ARSG: variants seen among roughly 807,000 people sequenced by gnomAD.
ARSG encodes arylsulfatase G.
Under a neutral mutation model 50.5 loss-of-function variants are expected in ARSG, and 37 were observed. That is an observed-to-expected ratio of 0.73 (90% CI 0.56 to 0.96). The LOEUF (loss-of-function observed/expected upper bound fraction) is 0.96. Ranked by LOEUF, ARSG falls within the 50% of genes least tolerant of loss-of-function variation. The probability of loss-of-function intolerance (pLI) is 0.00; values close to 1 mark genes in which losing one functional copy is unlikely to be tolerated. For missense variants in ARSG, 629 were observed against 675.3 expected (o/e 0.93, Z 0.76); for synonymous variants, 225 against 254.6 (o/e 0.88, Z 1.11).
chr17:68,270,319 G>A (rs1436786545), intron 1 of ARSG, among the ~76,000 whole-genome samples: 2 of 152,098 alleles, frequency 1.3e-5, no homozygotes, highest in Non-Finnish European at 2.9e-5. Context: ...ACTTTGGGAG[G>A]CCAAGGCAGG....
In ARSG at chr17:68,395,158, G is replaced by A. The variant is rs764722003; in HGVS notation, c.1177G>A (p.Glu393Lys). 6 of 1,614,004 alleles carry A rather than the reference G, an allele frequency of 3.7e-6. No homozygotes were observed. Among genetic ancestry groups the A allele is most frequent in the African/African-American group, 2.7e-5 (2 of 74,932 alleles). The stretch of plus-strand genomic sequence containing the variant: ...GCGCTTTGATGGTGTGGACGTCTCC[G>A]AGGTGCTCTTTGGCCGGTCACAGCC... ...GRRFDGVDVS[E>K]VLFGRSQPGH... The change falls in exon 10 of 12, where the codon GAG (glutamate) becomes AAG (lysine). Residue 393 changes from glutamate (E) to lysine (K), a missense_variant. Transcript: ENST00000621439.
At chr17:68,265,921 T>G (rs2075150904) in intron 1 of ARSG, among the ~76,000 whole-genome samples, 1 of 152,154 alleles carries the variant, frequency 6.6e-6, no homozygotes, top group South Asian at 2.1e-4. Context: ...AATGGCAGAG[T>G]TGACTAGACA....
chr17:68,300,548 T>A (rs1199114789), intron 1 of ARSG, among the ~76,000 whole-genome samples: 1 of 152,164 alleles, frequency 6.6e-6, no homozygotes, highest in Non-Finnish European at 1.5e-5. Flanking sequence ...TCTTCTCAAG[T>A]GGAGGATAGA....
intron 2 of ARSG, among the ~76,000 whole-genome samples, chr17:68,342,836 C>T (rs1055139186): frequency 3.9e-5 from 6 of 152,286 alleles, no homozygotes; most frequent in South Asian, 2.1e-4. Flanking sequence ...GTTTACAGTG[C>T]GATATGAGAG....
chr17:68,426,242 T>TGGGGGGGG (rs754701731), downstream of ARSG: 160 of 682,698 alleles, frequency 2.3e-4, 31 homozygotes, highest in Admixed American at 7.5e-4. Flanking sequence ...ACCTGGCGGG[T>TGGGGGGGG]GGGGAGCGGG....
At chr17:68,387,836 T>C (rs1315483603) in intron 9 of ARSG, among the ~76,000 whole-genome samples, 2 of 152,074 alleles carry the variant, frequency 1.3e-5, no homozygotes, top group Non-Finnish European at 2.9e-5. Flanking sequence ...ATTATGAGCA[T>C]CAGAGAGTGG....
At chr17:68,380,179 TTTCCTTCC>T (rs886514747) in intron 8 of ARSG, among the ~76,000 whole-genome samples, 3 of 151,998 alleles carry the variant, frequency 2.0e-5, no homozygotes, top group Admixed American at 2.0e-4. Context: ...CAATTTTCTT[TTTCCTTCC>T]TTCCTTCCTT....
At chr17:68,310,290 C>T (rs1298658765) in intron 2 of ARSG, among the ~76,000 whole-genome samples, 1 of 152,096 alleles carries the variant, frequency 6.6e-6, no homozygotes, top group Non-Finnish European at 1.5e-5. Context: ...AGAACAGAAG[C>T]GAGGGTGTGG....
At chr17:68,348,192 T>G (rs1191641428) in intron 4 of ARSG, among the ~76,000 whole-genome samples, 1 of 152,108 alleles carries the variant, frequency 6.6e-6, no homozygotes, top group Non-Finnish European at 1.5e-5. Context: ...TTAAAAAAAA[T>G]GACAGATGGG....
Position 68,409,841 on chromosome 17 carries a change from C to T in ARSG, c.1303+8391C>T, listed in dbSNP as rs2081922035. Among the ~76,000 whole-genome samples the T allele has an allele frequency of 2.0e-5, 3 of 151,242 alleles. No individual in the cohort carries two copies. In the South Asian group the frequency reaches 6.3e-4, roughly 32 times the overall value. Reference sequence around the variant, plus strand: ...TCTCCTTGAAGAGGTCCTTCACATCCCTTGTAAGTTGGATTCCTAGGTATT... The same window carrying T: ...TCTCCTTGAAGAGGTCCTTCACATCTCTTGTAAGTTGGATTCCTAGGTATT... On this transcript the variant is annotated intron_variant, in intron 11 of 11. Transcript: ENST00000621439.
chr17:68,388,378 A>AC (rs1320817796), intron 9 of ARSG, among the ~76,000 whole-genome samples: 2 of 151,514 alleles, frequency 1.3e-5, no homozygotes, highest in Admixed American at 1.3e-4. Context: ...TCCCCACCCC[A>AC]CCCCCTAAGT....
At chr17:68,343,023 A>C (rs1448591028) in intron 2 of ARSG, among the ~76,000 whole-genome samples, 1 of 152,270 alleles carries the variant, frequency 6.6e-6, no homozygotes, top group African/African-American at 2.4e-5. Context: ...GAAATGTGGA[A>C]TCTTCGAATA....
At chr17:68,263,748 C>A (rs1298112714) in intron 1 of ARSG, among the ~76,000 whole-genome samples, 1 of 152,186 alleles carries the variant, frequency 6.6e-6, no homozygotes, top group Admixed American at 6.5e-5. Flanking sequence ...CAACACCTGG[C>A]CACGGTTTAA....
chr17:68,430,088 A>G, the ARSG span: 1 of 1,614,162 alleles, frequency 6.2e-7, no homozygotes, highest in Non-Finnish European at 8.5e-7. Flanking sequence ...ACACCTGGGT[A>G]GGGAGGTAGT....
the ARSG span, among the ~76,000 whole-genome samples, chr17:68,438,703 C>G: frequency 6.6e-6 from 1 of 152,202 alleles, no homozygotes; most frequent in East Asian, 1.9e-4. Flanking sequence ...TTGGTTCAAG[C>G]GATTCTCCTG....
At chr17:68,320,114 C>T (rs897210831) in intron 2 of ARSG, among the ~76,000 whole-genome samples, 7 of 152,054 alleles carry the variant, frequency 4.6e-5, no homozygotes, top group African/African-American at 1.4e-4. Context: ...CGGTGAAATC[C>T]CATCTCTACT....
At chr17:68,346,658 T>C in intron 3 of ARSG, 2 of 1,139,988 alleles carry the variant, frequency 1.8e-6, no homozygotes, top group South Asian at 1.6e-5. Context: ...GTGCTTGAAC[T>C]GCGGGCTGCT....
chr17:68,287,953 TTCTCTCTCTCTCTC>T (rs150311794), upstream of ARSG, among the ~76,000 whole-genome samples: 1 of 146,150 alleles, frequency 6.8e-6, no homozygotes, highest in African/African-American at 2.5e-5. Flanking sequence ...CTCTCTCTCT[TTCTCTCTCTCTCTC>T]TCTCCCCCTC....
chr17:68,435,522 C>A, the ARSG span: 1 of 1,171,222 alleles, frequency 8.5e-7, no homozygotes, highest in South Asian at 1.3e-5. Flanking sequence ...AGAGACCAGT[C>A]AGTCTTCATG....
Sources: allele counts gnomAD v4.1 joint callset (sites outside exome capture counted in the v4.1 genomes callset), GRCh38; gene constraint gnomAD v4.1.1; transcripts MANE v1.5; gene names NCBI Gene and HGNC (gene_info 2026-07-23, HGNC 2026-07-21).